Variants in KRT36 observed in about 807,000 individuals in gnomAD.
The protein encoded by KRT36 is keratin 36.
In KRT36, 41 loss-of-function variants were observed where a neutral mutation model predicts 43.0. The ratio of observed to expected loss-of-function variants is 0.95; its 90% CI spans 0.74 to 1.24. KRT36 has a LOEUF of 1.24. KRT36 is among the 50% of genes most tolerant of loss of function. The pLI is 0.00. For missense variants in KRT36, 627 were observed against 595.3 expected (o/e 1.05, Z -0.55); for synonymous variants, 277 against 252.9 (o/e 1.10, Z -0.90).
intron 3 of KRT36, 136 bp from the exon 4 acceptor site, chr17:41,487,873 C>G (rs933980868): frequency 7.2e-6 from 6 of 828,618 alleles, no homozygotes; most frequent in African/African-American, 1.7e-5. Flanking sequence ...TATCTCTGAG[C>G]CTTGGTCTCC....
chr17:41,489,825 A>ACCCAGT lies in KRT36; in HGVS notation c.34_39dup (p.Thr12_Gly13dup). On this transcript the variant is annotated inframe_insertion, in exon 1 of 7. Coordinates refer to ENST00000328119, the MANE Select transcript of KRT36 (RefSeq NM_003771.5). ...GCTGTGCCACAGAGGCCCTTGATAG[A>ACCCAGT]CCCAGTGGAGAAGGTAGGGGTGCAG... The ACCCAGT allele has an allele frequency of 6.2e-7, 1 of 1,613,430 alleles. No individual in the cohort carries two copies. The highest frequency in any genetic ancestry group is 1.6e-4 in the Middle Eastern group (1 of 6,062).
rs1462913669 is a variant in KRT36 at position 41,487,668 on chromosome 17, C to A, written c.769G>T (p.Asp257Tyr). 2 of 1,614,044 alleles carry A rather than the reference C, an allele frequency of 1.2e-6. No individual in the cohort carries two copies. Among genetic ancestry groups the A allele is most frequent in the Non-Finnish European group, 1.7e-6 (2 of 1,180,008 alleles). Residue 257 changes from aspartate (D) to tyrosine (Y), a missense_variant, in exon 4 of 7, where the codon GAT (aspartate) becomes TAT (tyrosine). Physicochemically the swap from Asp to Tyr is radical, Grantham distance 160. Transcript: ENST00000328119. ...NVEVDAAPPV[D>Y]LNKILEDMRC... is the part of the protein sequence containing the mutation. ...ATATCCTCCAGGATCTTGTTGAGAT[C>A]CACTGGGGGAGCAGCGTCCACCTCC...
chr17:41,487,668 C>G lies in KRT36; in HGVS notation c.769G>C (p.Asp257His). The G allele has an allele frequency of 1.9e-6, 3 of 1,614,160 alleles. No individual in the cohort carries two copies. Among genetic ancestry groups the G allele is most frequent in the South Asian group, 2.2e-5 (2 of 91,088 alleles). Residue 257 changes from aspartate to histidine, a missense_variant, in exon 4 of 7, where the codon GAT (aspartate) becomes CAT (histidine). Coordinates refer to ENST00000328119, the MANE Select transcript of KRT36 (RefSeq NM_003771.5). The stretch of plus-strand genomic sequence containing the variant: ...ATATCCTCCAGGATCTTGTTGAGAT[C>G]CACTGGGGGAGCAGCGTCCACCTCC... ...NVEVDAAPPV[D>H]LNKILEDMRC...
intron 1 of KRT36, 51 bp from the exon 2 acceptor site, chr17:41,488,775 G>A: frequency 2.1e-6 from 3 of 1,453,274 alleles, no homozygotes; most frequent in Admixed American, 1.7e-5. Flanking sequence ...GCAGTGTGGG[G>A]GCAGGTAGGG....
intron 3 of KRT36, 141 bp downstream of exon 3, chr17:41,488,102 G>T: frequency 1.1e-6 from 1 of 871,078 alleles, no homozygotes; most frequent in Non-Finnish European, 1.8e-6. Context: ...ATAATTCTTG[G>T]GATTATTGTA....
Position 41,486,203 on chromosome 17 carries a change from C to T in KRT36, c.*173G>A, listed in dbSNP as rs1282470218. The T allele has an allele frequency of 1.7e-6, 1 of 586,314 alleles. No homozygotes were observed. Among genetic ancestry groups the T allele is most frequent in the South Asian group, 2.1e-5 (1 of 47,250 alleles). 36.3% of individuals were successfully genotyped at this position (586,314 alleles called of 1,614,324 possible). ...TTCCAGGAAACCTGGTTTTGCATGGCGTAAAAGCACAGTTAAGTCCGGAAA... is the reference window on the plus strand; with the variant it reads ...TTCCAGGAAACCTGGTTTTGCATGGTGTAAAAGCACAGTTAAGTCCGGAAA... On this transcript the variant is annotated 3_prime_UTR_variant, in exon 7 of 7. Transcript: ENST00000328119.
At chr17:41,487,815 C>G (rs978581827) in intron 3 of KRT36, 78 bp from the exon 4 acceptor site, 1 of 1,409,748 alleles carries the variant, frequency 7.1e-7, no homozygotes, top group Non-Finnish European at 9.8e-7. Flanking sequence ...GAATTCAAAC[C>G]CTCTTCCCTC....
chr17:41,486,863 C>T, intron 6 of KRT36, 87 bp downstream of exon 6: 1 of 1,258,774 alleles, frequency 7.9e-7, no homozygotes, highest in South Asian at 1.4e-5. Context: ...TTCCCTTCAT[C>T]TGGGCGACAA....
rs370296123 is a variant in KRT36, at chr17:41,487,221, C to G, written c.988-51G>C. The G allele has an allele frequency of 4.2e-5, 67 of 1,586,620 alleles. No homozygotes were observed. The African/African-American group carries it at 7.8e-4, about 18-fold the overall frequency. Reference sequence around the variant, plus strand: ...CCTATTGGGGAGGAATCCCCTGACCCCAGAAACCCACAGCCCTGGGCATCT... The same window carrying G: ...CCTATTGGGGAGGAATCCCCTGACCGCAGAAACCCACAGCCCTGGGCATCT... On this transcript the variant is annotated intron_variant, in intron 5 of 6. Coordinates refer to ENST00000328119, the MANE Select transcript of KRT36 (RefSeq NM_003771.5).
Position 41,487,181 on chromosome 17 carries a change from AAAGAGG to A in KRT36, c.988-17_988-12del. The A allele has an allele frequency of 6.2e-7, 1 of 1,609,246 alleles. No homozygotes were observed. The highest frequency in any genetic ancestry group is 8.5e-7 in the Non-Finnish European group (1 of 1,176,714). ...TTCCAAGGAATTCCGCTGCAATGGG[AAAGAGG>A]AAGAGCTGCCTATTGGGGAGGAATC... On this transcript the variant is annotated splice_polypyrimidine_tract_variant and intron_variant, in intron 5 of 6. Transcript: ENST00000328119.
At position 41,487,116 on chromosome 17, in the gene KRT36, G is replaced by A; in HGVS notation, c.1042C>T (p.Leu348=). ...AETEARYSSQ[L]AQMQCLISNV... ...CTGATCAGGCACTGCATCTGGGCCA[G>A]CTGGGAGCTGTAGCGGGCCTCGGTT... The change falls in exon 6 of 7, where the codon CTG becomes TTG. Residue 348 remains leucine, a synonymous_variant. Transcript: ENST00000328119. 9 of 1,614,230 alleles carry A rather than the reference G, an allele frequency of 5.6e-6. No homozygotes were observed. Among genetic ancestry groups the A allele is most frequent in the Non-Finnish European group, 6.8e-6 (8 of 1,180,020 alleles).
Position 41,487,684 on chromosome 17 carries a change from G to C in KRT36, c.753C>G (p.Asp251Glu), listed in dbSNP as rs144617001. The part of the protein sequence containing the change: ...QLGDRLNVEV[D>E]AAPPVDLNKI... Reference sequence around the variant, plus strand: ...TGTTGAGATCCACTGGGGGAGCAGCGTCCACCTCCACATTCAGTCGGTCCC... The same window carrying C: ...TGTTGAGATCCACTGGGGGAGCAGCCTCCACCTCCACATTCAGTCGGTCCC... Residue 251 changes from aspartate (D) to glutamate (E), a missense_variant, in exon 4 of 7, where the codon GAC (aspartate) becomes GAG (glutamate). Physicochemically the swap from Asp to Glu is conservative, Grantham distance 45. Coordinates refer to ENST00000328119, the MANE Select transcript of KRT36 (RefSeq NM_003771.5). 1 of 1,614,084 alleles carries C rather than the reference G, an allele frequency of 6.2e-7. No individual in the cohort carries two copies. Among genetic ancestry groups the C allele is most frequent in the Non-Finnish European group, 8.5e-7 (1 of 1,179,958 alleles).
At position 41,487,654 on chromosome 17, in the gene KRT36, G is replaced by T. The variant is rs1904443280; in HGVS notation, c.783C>A (p.Ile261=). The T allele has an allele frequency of 6.2e-7, 1 of 1,614,178 alleles. No individual in the cohort carries two copies. The change falls in exon 4 of 7, where the codon ATC becomes ATA. Residue 261 remains isoleucine, a synonymous_variant. Transcript: ENST00000328119. ...CGTACTGGCATCTCATATCCTCCAG[G>T]ATCTTGTTGAGATCCACTGGGGGAG... ...DAAPPVDLNK[I]LEDMRCQYEA...
In KRT36 at chr17:41,489,846, T is replaced by A; in HGVS notation, c.19A>T (p.Thr7Ser). 6.2e-7 allele frequency: 1 copy of A among 1,612,310 alleles called. No individual in the cohort carries two copies. Among genetic ancestry groups the A allele is most frequent in the Non-Finnish European group, 8.5e-7 (1 of 1,179,382 alleles). MATQTCTPTFSTGSIKG... is the reference protein window; with the variant it reads MATQTCSPTFSTGSIKG... ...ATAGACCCAGTGGAGAAGGTAGGGG[T>A]GCAGGTCTGGGTGGCCATGGTGCTA... The change falls in exon 1 of 7, where the codon ACC becomes TCC. Residue 7 changes from threonine to serine, a missense_variant. Coordinates refer to ENST00000328119, the MANE Select transcript of KRT36 (RefSeq NM_003771.5).
Position 41,486,961 on chromosome 17 carries a change from T to TC in KRT36, c.1196dup (p.Glu400ArgfsTer19). The TC allele has an allele frequency of 6.2e-7, 1 of 1,612,564 alleles. No individual in the cohort carries two copies. Among genetic ancestry groups the TC allele is most frequent in the Non-Finnish European group, 8.5e-7 (1 of 1,179,830 alleles). ...CAAGGGCCACTCACTTGCAGTCCTC[T>TC]CCCTCCAGCAGGTGGCGGTAGGTAG... is the stretch of plus-strand genomic sequence containing the variant. On this transcript the variant is annotated frameshift_variant, in exon 6 of 7. Transcript: ENST00000328119. LOFTEE classifies it low-confidence loss of function (END_TRUNC).
chr17:41,489,300 G>A (rs1904494917), intron 1 of KRT36, 106 bp downstream of exon 1: 1 of 1,262,874 alleles, frequency 7.9e-7, no homozygotes, highest in Non-Finnish European at 1.1e-6. Context: ...GCCCTACCAG[G>A]AGAATTCCCT....
At chr17:41,488,828 G>T in intron 1 of KRT36, 104 bp from the exon 2 acceptor site, 1 of 954,414 alleles carries the variant, frequency 1.0e-6, no homozygotes, top group South Asian at 1.3e-5. Flanking sequence ...TGTACCACCA[G>T]CCCCTTCACC....
rs1244776412 is a variant in KRT36 at position 41,486,977 on chromosome 17, C to A, written c.1181G>T (p.Arg394Leu). The A allele has an allele frequency of 6.2e-7, 1 of 1,613,288 alleles. No individual in the cohort carries two copies. Among genetic ancestry groups the A allele is most frequent in the East Asian group, 2.2e-5 (1 of 44,878 alleles). The change falls in exon 6 of 7, where the codon CGC becomes CTC. Residue 394 changes from arginine to leucine, a missense_variant. By Grantham distance (102) the Arg-to-Leu change is moderately radical. Coordinates refer to ENST00000328119, the MANE Select transcript of KRT36 (RefSeq NM_003771.5). ...ARLEGEIATY[R>L]HLLEGEDCKL... Reference sequence around the variant, plus strand: ...GCAGTCCTCTCCCTCCAGCAGGTGGCGGTAGGTAGCGATCTCGCCCTCCAG... The same window carrying A: ...GCAGTCCTCTCCCTCCAGCAGGTGGAGGTAGGTAGCGATCTCGCCCTCCAG...
chr17:41,487,686 C>A lies in KRT36; in HGVS notation c.751G>T (p.Asp251Tyr). The change falls in exon 4 of 7, where the codon GAC becomes TAC. Residue 251 changes from aspartate (D) to tyrosine (Y), a missense_variant. Coordinates refer to ENST00000328119, the MANE Select transcript of KRT36 (RefSeq NM_003771.5). ...TTGAGATCCACTGGGGGAGCAGCGT[C>A]CACCTCCACATTCAGTCGGTCCCCA... The part of the protein sequence containing the change: ...QLGDRLNVEV[D>Y]AAPPVDLNKI... The A allele has an allele frequency of 6.2e-7, 1 of 1,614,156 alleles. No individual in the cohort carries two copies. The highest frequency in any genetic ancestry group is 8.5e-7 in the Non-Finnish European group (1 of 1,179,984).
Sources: allele counts gnomAD v4.1 joint callset, GRCh38; gene constraint gnomAD v4.1.1; transcripts MANE v1.5; gene names NCBI Gene and HGNC (gene_info 2026-07-23, HGNC 2026-07-21).